Variants in DLG2 observed in about 807,000 individuals in gnomAD.
The protein encoded by DLG2 is discs large MAGUK scaffold protein 2, also known as disks large homolog 2.
In DLG2, 45 loss-of-function variants were observed where a neutral mutation model predicts 132.5. The observed-to-expected ratio is 0.34, with a 90% CI of 0.27 to 0.44. The LOEUF (loss-of-function observed/expected upper bound fraction) is 0.44. Ranked by LOEUF, DLG2 falls within the 20% of genes least tolerant of loss-of-function variation. DLG2 has a pLI of 1.00. For missense variants in DLG2, 1,045 were observed against 1,196.9 expected (o/e 0.87, Z 1.87); for synonymous variants, 424 against 419.6 (o/e 1.01, Z -0.13).
chr11:84,180,880 T>C (rs560684977), intron 8 of DLG2, among the ~76,000 whole-genome samples: 4 of 152,122 alleles, frequency 2.6e-5, no homozygotes, highest in African/African-American at 9.6e-5. Flanking sequence ...TAAGGAAATG[T>C]TTCTGTCAGT....
Position 84,627,501 on chromosome 11 carries a change from C to T in DLG2, c.358-92770G>A, listed in dbSNP as rs747046682. ...AAACGAACAAATTTTGTAGCATTCT[C>T]CCCCAGAGTACTGCAGCGGAAATTT... is the stretch of plus-strand genomic sequence containing the variant. On this transcript the variant is annotated intron_variant, in intron 6 of 27. Coordinates refer to ENST00000376104, the MANE Select transcript of DLG2 (RefSeq NM_001142699.3). Among the ~76,000 whole-genome samples the T allele has an allele frequency of 3.9e-5, 6 of 152,190 alleles. No homozygotes were observed. The South Asian group carries it at 6.2e-4, about 16-fold the overall frequency.
intron 7 of DLG2, among the ~76,000 whole-genome samples, chr11:84,362,825 C>A (rs1260403156): frequency 6.6e-6 from 1 of 152,178 alleles, no homozygotes; most frequent in Non-Finnish European, 1.5e-5. Context: ...CATGCCCCTA[C>A]AAAGGACATG....
chr11:84,103,649 T>C (rs1165426202), intron 9 of DLG2, among the ~76,000 whole-genome samples: 1 of 152,144 alleles, frequency 6.6e-6, no homozygotes, highest in Non-Finnish European at 1.5e-5. Flanking sequence ...AAACCCATTT[T>C]CTAGCCAAAT....
At chr11:84,272,371 A>C (rs548110795) in intron 7 of DLG2, 1 of 392,922 alleles carries the variant, frequency 2.5e-6, no homozygotes, top group Non-Finnish European at 5.2e-6. Flanking sequence ...GTACCAAATA[A>C]ATTTTAGCAG....
At chr11:84,132,997 T>C (rs2094473509) in intron 9 of DLG2, among the ~76,000 whole-genome samples, 1 of 152,068 alleles carries the variant, frequency 6.6e-6, no homozygotes, top group Admixed American at 6.6e-5. Flanking sequence ...AAAAGCTATA[T>C]TTACAGAAGT....
At chr11:84,717,925 A>T (rs1408362284) in intron 6 of DLG2, among the ~76,000 whole-genome samples, 1 of 152,124 alleles carries the variant, frequency 6.6e-6, no homozygotes, top group Non-Finnish European at 1.5e-5. Flanking sequence ...ACTGAGACTT[A>T]CATAAATCAT....
intron 6 of DLG2, among the ~76,000 whole-genome samples, chr11:84,797,043 C>T (rs1188401189): frequency 3.9e-5 from 6 of 152,010 alleles, no homozygotes; most frequent in Non-Finnish European, 8.8e-5. Flanking sequence ...GACGGGGTTT[C>T]TCCATGTTGG....
At chr11:83,512,311 T>A (rs1219105918) in intron 21 of DLG2, among the ~76,000 whole-genome samples, 1 of 152,058 alleles carries the variant, frequency 6.6e-6, no homozygotes, top group Non-Finnish European at 1.5e-5. Context: ...AGAGAAATGG[T>A]GGGAAATACA....
chr11:84,417,004 A>T, intron 7 of DLG2, among the ~76,000 whole-genome samples: 1 of 152,220 alleles, frequency 6.6e-6, no homozygotes, highest in South Asian at 2.1e-4. Flanking sequence ...AAGTAGCCAC[A>T]CAAAAGCCTA....
At chr11:85,268,111 T>C (rs1249947387) in intron 4 of DLG2, among the ~76,000 whole-genome samples, 1 of 152,206 alleles carries the variant, frequency 6.6e-6, no homozygotes, top group East Asian at 1.9e-4. Flanking sequence ...TAGAATGGAC[T>C]CTGACTCCTC....
At chr11:85,531,442 T>C (rs553634067) in intron 3 of DLG2, among the ~76,000 whole-genome samples, 115 of 152,228 alleles carry the variant, frequency 7.6e-4, no homozygotes, top group Non-Finnish European at 1.3e-3. Flanking sequence ...TTATATCTGC[T>C]TTGTGCCAGC....
At chr11:83,798,337 A>G (rs1296636534) in intron 17 of DLG2, among the ~76,000 whole-genome samples, 1 of 152,232 alleles carries the variant, frequency 6.6e-6, no homozygotes, top group Non-Finnish European at 1.5e-5. Context: ...ATTAGAGTTT[A>G]AGCAAATAAA....
rs1029570470 is a variant in DLG2 at position 83,653,894 on chromosome 11, T to G, written c.1826-20569A>C. The stretch of plus-strand genomic sequence containing the variant: ...TGCACCACCACACCTAGCTAATATT[T>G]TTTTTAGTAGAGATGGGGTTTCAAC... On this transcript the variant is annotated intron_variant, in intron 18 of 27. Coordinates refer to ENST00000376104, the MANE Select transcript of DLG2 (RefSeq NM_001142699.3). 3.3e-5 allele frequency among the ~76,000 whole-genome samples: 5 copies of G among 152,088 alleles called. No homozygotes were observed. In the East Asian group the frequency reaches 9.7e-4, roughly 29 times the overall value.
intron 3 of DLG2, among the ~76,000 whole-genome samples, chr11:85,546,818 C>CTTTTTTTTTTTTTTT (rs34822004): frequency 2.0e-4 from 14 of 68,996 alleles, no homozygotes; most frequent in Non-Finnish European, 2.1e-4. Flanking sequence ...ATAACCCCTG[C>CTTTTTTTTTTTTTTT]TTTTTTTTTT....
At chr11:84,916,642 C>A (rs1195343399) in intron 6 of DLG2, among the ~76,000 whole-genome samples, 1 of 152,148 alleles carries the variant, frequency 6.6e-6, no homozygotes, top group Admixed American at 6.5e-5. Context: ...TGCTCCTGCC[C>A]TTGCTCCCTT....
chr11:84,136,979 G>A (rs1313548554), intron 9 of DLG2, among the ~76,000 whole-genome samples: 2 of 152,068 alleles, frequency 1.3e-5, no homozygotes, highest in Admixed American at 6.6e-5. Flanking sequence ...GAAGGGAGGA[G>A]GCACAGCAGA....
chr11:83,863,074 T>C (rs2061707446), intron 16 of DLG2, among the ~76,000 whole-genome samples: 1 of 152,154 alleles, frequency 6.6e-6, no homozygotes, highest in Non-Finnish European at 1.5e-5. Context: ...GATACTGGCA[T>C]TGTGTATGTA....
intron 11 of DLG2, among the ~76,000 whole-genome samples, chr11:83,990,506 C>T (rs895768441): frequency 2.0e-5 from 3 of 152,224 alleles, no homozygotes; most frequent in East Asian, 1.9e-4. Flanking sequence ...CCTTGCTGCC[C>T]GCCTACGCTG....
At chr11:85,427,718 C>T (rs1452395225) in intron 3 of DLG2, among the ~76,000 whole-genome samples, 4 of 152,202 alleles carry the variant, frequency 2.6e-5, no homozygotes, top group Non-Finnish European at 5.9e-5. Context: ...ACTGCATCAA[C>T]TAATGAGCAA....
Sources: allele counts gnomAD v4.1 joint callset (sites outside exome capture counted in the v4.1 genomes callset), GRCh38; gene constraint gnomAD v4.1.1; transcripts MANE v1.5; gene names NCBI Gene and HGNC (gene_info 2026-07-23, HGNC 2026-07-21).